MIPOL1: variants seen among roughly 807,000 people sequenced by gnomAD.
MIPOL1 encodes mirror-image polydactyly 1.
MIPOL1 carries 57 observed loss-of-function variants against 60.9 expected under a neutral mutation model. The observed-to-expected ratio is 0.94, with a 90% CI of 0.76 to 1.17. The LOEUF (loss-of-function observed/expected upper bound fraction) is 1.17, where lower values mean the gene tolerates loss of function less well. Ranked by LOEUF, MIPOL1 falls within the 50% of genes most tolerant of loss-of-function variation. MIPOL1 has a pLI of 0.00. For missense variants in MIPOL1, 551 were observed against 511.6 expected (o/e 1.08, Z -0.74); for synonymous variants, 179 against 168.8 (o/e 1.06, Z -0.47).
intron 12 of MIPOL1, among the ~76,000 whole-genome samples, chr14:37,524,231 G>A (rs2095431673): frequency 6.6e-6 from 1 of 152,168 alleles, no homozygotes; most frequent in African/African-American, 2.4e-5. Flanking sequence ...TGAGACAAGA[G>A]TAGAAATAGA....
chr14:37,542,045 G>A (rs2095531780), intron 12 of MIPOL1, among the ~76,000 whole-genome samples: 1 of 152,134 alleles, frequency 6.6e-6, no homozygotes, highest in Non-Finnish European at 1.5e-5. Context: ...CCTATACTTA[G>A]TTTTCACTTT....
intron 11 of MIPOL1, among the ~76,000 whole-genome samples, chr14:37,442,742 A>G (rs1052788284): frequency 7.2e-5 from 11 of 151,978 alleles, no homozygotes; most frequent in African/African-American, 2.7e-4. Flanking sequence ...AATAGCATCA[A>G]AAAGAATAAA....
At chr14:37,498,845 C>A (rs1423301743) in intron 11 of MIPOL1, among the ~76,000 whole-genome samples, 1 of 152,018 alleles carries the variant, frequency 6.6e-6, no homozygotes, top group African/African-American at 2.4e-5. Flanking sequence ...ATAACTTAAA[C>A]TAAAAGAGGA....
intron 12 of MIPOL1, among the ~76,000 whole-genome samples, chr14:37,543,496 T>G (rs990903760): frequency 6.6e-6 from 1 of 152,056 alleles, no homozygotes; most frequent in African/African-American, 2.4e-5. Context: ...AGGCTGGTCT[T>G]GAACTCCTGG....
chr14:37,387,269 T>A (rs1356669150), intron 10 of MIPOL1, among the ~76,000 whole-genome samples: 3 of 151,872 alleles, frequency 2.0e-5, no homozygotes, highest in Non-Finnish European at 4.4e-5. Flanking sequence ...TTATTTTAAA[T>A]GGCATAAATT....
intron 1 of MIPOL1, among the ~76,000 whole-genome samples, chr14:37,243,695 A>G (rs1417008203): frequency 6.6e-6 from 1 of 152,212 alleles, no homozygotes; most frequent in Non-Finnish European, 1.5e-5. Flanking sequence ...GGAGGAAGGT[A>G]GGAAGAGCAT....
At chr14:37,308,169 A>G in intron 8 of MIPOL1, 80 bp downstream of exon 8, 2 of 1,386,280 alleles carry the variant, frequency 1.4e-6, no homozygotes, top group South Asian at 2.6e-5. Flanking sequence ...GGTTTCAAGA[A>G]CTAAGATGTG....
At chr14:37,543,191 A>G (rs1281091461) in intron 12 of MIPOL1, among the ~76,000 whole-genome samples, 5 of 152,184 alleles carry the variant, frequency 3.3e-5, no homozygotes, top group Admixed American at 6.5e-5. Context: ...TTTCAAATGC[A>G]TCTCCTTCTT....
At chr14:37,429,074 A>T (rs987933649) in intron 11 of MIPOL1, among the ~76,000 whole-genome samples, 2 of 152,206 alleles carry the variant, frequency 1.3e-5, no homozygotes, top group Admixed American at 1.3e-4. Context: ...CACTTTCATT[A>T]ATCTAAATCT....
chr14:37,530,633 G>A (rs149507451), intron 12 of MIPOL1, among the ~76,000 whole-genome samples: 1 of 152,094 alleles, frequency 6.6e-6, no homozygotes, highest in African/African-American at 2.4e-5. Flanking sequence ...TCAAAGATAG[G>A]CCAGATGTCA....
At chr14:37,211,592 G>A (rs1213941457) in intron 1 of MIPOL1, among the ~76,000 whole-genome samples, 4 of 152,090 alleles carry the variant, frequency 2.6e-5, no homozygotes, top group Admixed American at 2.6e-4. Flanking sequence ...TTGCCACTGA[G>A]GTCTGCAGCA....
At chr14:37,296,253 CAACGAG>C (rs1157829727) in intron 7 of MIPOL1, among the ~76,000 whole-genome samples, 1 of 151,976 alleles carries the variant, frequency 6.6e-6, no homozygotes, top group Non-Finnish European at 1.5e-5. Context: ...TCTTTGAAAC[CAACGAG>C]AACAAAGAAA....
At position 37,238,675 on chromosome 14, in the gene MIPOL1, G is replaced by A. The variant is rs191906263; in HGVS notation, c.-198-8428G>A. On this transcript the variant is annotated intron_variant, in intron 1 of 12. Coordinates refer to ENST00000684589, the MANE Select transcript of MIPOL1 (RefSeq NM_001388067.1). ...TGAAAGAAGTGCTATTCAGGGCCGG[G>A]TGCAGTGGCTCACGCCTGTAATCCC... 2.0e-5 allele frequency among the ~76,000 whole-genome samples: 3 copies of A among 152,126 alleles called. No homozygotes were observed. In the East Asian group the frequency reaches 5.8e-4, roughly 29 times the overall value.
intron 10 of MIPOL1, chr14:37,397,021 T>C (rs552080466): frequency 6.6e-5 from 10 of 152,280 alleles, no homozygotes; most frequent in African/African-American, 2.4e-4. Flanking sequence ...GCTGGTGAGT[T>C]AGTATGATTT....
intron 11 of MIPOL1, among the ~76,000 whole-genome samples, chr14:37,439,646 A>G (rs186526345): frequency 2.0e-5 from 3 of 152,216 alleles, no homozygotes; most frequent in Non-Finnish European, 4.4e-5. Context: ...TTGCCCCTGA[A>G]AACGTCAACC....
chr14:37,374,703 T>A (rs1232487969), intron 10 of MIPOL1, among the ~76,000 whole-genome samples: 1 of 152,148 alleles, frequency 6.6e-6, no homozygotes, highest in Admixed American at 6.5e-5. Context: ...TGTAGATGTG[T>A]AGTGTTATTT....
At chr14:37,521,609 C>T (rs2095413422) in intron 12 of MIPOL1, among the ~76,000 whole-genome samples, 1 of 152,012 alleles carries the variant, frequency 6.6e-6, no homozygotes. Context: ...AAAAATTACG[C>T]TCTAAAACAA....
chr14:37,349,279 C>T (rs2091177993), intron 9 of MIPOL1, among the ~76,000 whole-genome samples: 1 of 152,116 alleles, frequency 6.6e-6, no homozygotes, highest in African/African-American at 2.4e-5. Flanking sequence ...TGAGCCACTG[C>T]ACCCGGCCAC....
chr14:37,213,077 G>A (rs1329319603), intron 1 of MIPOL1, among the ~76,000 whole-genome samples: 1 of 152,116 alleles, frequency 6.6e-6, no homozygotes, highest in Non-Finnish European at 1.5e-5. Context: ...TCAGATGTCT[G>A]GAAAGCCTTC....
Sources: allele counts gnomAD v4.1 joint callset (sites outside exome capture counted in the v4.1 genomes callset), GRCh38; gene constraint gnomAD v4.1.1; transcripts MANE v1.5; gene names NCBI Gene and HGNC (gene_info 2026-07-23, HGNC 2026-07-21).